Variants in PIEZO2 observed in about 807,000 individuals in gnomAD.
PIEZO2 encodes the protein piezo-type mechanosensitive ion channel component 2.
A neutral mutation model predicts 337.3 loss-of-function variants in PIEZO2; 172 were observed. The observed-to-expected ratio is 0.51, with a 90% CI of 0.45 to 0.58. The LOEUF is 0.58. Among genes scored for constraint, PIEZO2 ranks in the 20% least tolerant of loss-of-function variants. PIEZO2 has a pLI of 0.00. For missense variants in PIEZO2, 3,028 were observed against 3,391.3 expected (o/e 0.89, Z 2.66); for synonymous variants, 1,251 against 1,228.5 (o/e 1.02, Z -0.38).
chr18:11,096,344 G>T lies in PIEZO2; in HGVS notation c.65-30122C>A, dbSNP rs1445839532. On this transcript the variant is annotated intron_variant, in intron 1 of 55. Coordinates refer to ENST00000674853, the MANE Select transcript of PIEZO2 (RefSeq NM_001378183.1). This position sits in a 1 kb window ranked among gnomAD's most constrained non-coding sequence, Gnocchi z 4.6. Reference sequence around the variant, plus strand: ...CATTGGCTTCTGTGATAATTTGCTTGGCTTTGAATGCTGAATCTTGTCCAA... The same window carrying T: ...CATTGGCTTCTGTGATAATTTGCTTTGCTTTGAATGCTGAATCTTGTCCAA... Among the ~76,000 whole-genome samples, 4 of 152,210 alleles carry T rather than the reference G, an allele frequency of 2.6e-5. No individual in the cohort carries two copies. Among genetic ancestry groups the T allele is most frequent in the Non-Finnish European group, 4.4e-5 (3 of 68,042 alleles).
rs577065337 is a variant in PIEZO2 at position 10,704,429 on chromosome 18, G to A, written c.6223C>T (p.Arg2075Cys). ...ACGATGGCCATCATCCAGAACCGGC[G>A]GCTGGGCCTGGGGACGGACAACATG... ...WAMLSVPRPS[R>C]RFWMMAIVYT... is the part of the protein sequence containing the mutation. Residue 2075 changes from arginine to cysteine, a missense_variant, in exon 42 of 56, where the codon CGC becomes TGC. Arg to Cys is a radical substitution (Grantham distance 180, BLOSUM62 -3). Around this residue, in one of 5 missense-constraint regions of PIEZO2, gnomAD observed 1,925 missense variants for 2,051.9 expected, o/e 0.94. Transcript: ENST00000674853. The A allele has an allele frequency of 1.8e-4, 273 of 1,537,214 alleles. No homozygotes were observed. The African/African-American group carries it at 1.9e-3, about 11-fold the overall frequency.
intron 3 of PIEZO2, among the ~76,000 whole-genome samples, chr18:10,970,636 A>G (rs2034197651): frequency 6.6e-6 from 1 of 151,214 alleles, no homozygotes; most frequent in Non-Finnish European, 1.5e-5. Context: ...GATTTAGAGC[A>G]AAACTTAGAA....
rs34853451 is a variant in PIEZO2, at chr18:11,032,620, T to G, written c.160+33507A>C. Among the ~76,000 whole-genome samples, 27,409 of 152,220 alleles carry G rather than the reference T, an allele frequency of 0.18. 2,655 individuals carry two copies. Among genetic ancestry groups the G allele is most frequent in the East Asian group, 0.37 (1,920 of 5,172 alleles). On this transcript the variant is annotated intron_variant, in intron 2 of 55. Transcript: ENST00000674853. This position sits in a 1 kb window ranked among gnomAD's most constrained non-coding sequence, Gnocchi z 4.9. Reference sequence around the variant, plus strand: ...AAATACAAAGGATAGGTTTGTGCCTTTCAAAAAGGCAGTATGTTCTGAGCA... The same window carrying G: ...AAATACAAAGGATAGGTTTGTGCCTGTCAAAAAGGCAGTATGTTCTGAGCA...
chr18:11,039,868 T>G (rs146881021), intron 2 of PIEZO2, among the ~76,000 whole-genome samples: 35 of 152,238 alleles, frequency 2.3e-4, no homozygotes, highest in African/African-American at 8.2e-4. Flanking sequence ...TTCAAGGATT[T>G]AGCTTCCTGA....
rs932203120 is a variant in PIEZO2, at chr18:10,895,788, C to T, written c.329+15398G>A. On this transcript the variant is annotated intron_variant, in intron 4 of 55. Transcript: ENST00000674853. The surrounding 1 kb of genome is among the most constrained non-coding windows in gnomAD (Gnocchi z 4.8). ...TCTAAAACTCAGAGCCAGGCACGGGCAGGCTCACGCCTGTAATCCCAGCAC... is the reference window on the plus strand; with the variant it reads ...TCTAAAACTCAGAGCCAGGCACGGGTAGGCTCACGCCTGTAATCCCAGCAC... Among the ~76,000 whole-genome samples the T allele has an allele frequency of 1.3e-5, 2 of 152,000 alleles. No individual in the cohort carries two copies. The highest frequency in any genetic ancestry group is 2.4e-5 in the African/African-American group (1 of 41,402).
At chr18:10,816,319 T>A (rs1423641104) in intron 7 of PIEZO2, among the ~76,000 whole-genome samples, 1 of 152,186 alleles carries the variant, frequency 6.6e-6, no homozygotes, top group Non-Finnish European at 1.5e-5. Flanking sequence ...TTGAAATGGG[T>A]TGTAAACTCT....
intron 1 of PIEZO2, among the ~76,000 whole-genome samples, chr18:11,117,437 T>G (rs1467613898): frequency 6.6e-6 from 1 of 152,174 alleles, no homozygotes; most frequent in Non-Finnish European, 1.5e-5. Flanking sequence ...CCAAAAGCAC[T>G]TACCAACTAG....
At chr18:11,123,579 C>T (rs1470814274) in intron 1 of PIEZO2, among the ~76,000 whole-genome samples, 5 of 152,010 alleles carry the variant, frequency 3.3e-5, no homozygotes, top group East Asian at 1.9e-4. Context: ...GAGGCCGAGG[C>T]GGGCGGATCA....
At chr18:10,796,486 T>C (rs986378378) in intron 12 of PIEZO2, among the ~76,000 whole-genome samples, 1 of 152,208 alleles carries the variant, frequency 6.6e-6, no homozygotes, top group African/African-American at 2.4e-5. Flanking sequence ...TATGTTAACC[T>C]TGAAGACCTT....
At chr18:10,710,325 T>G (rs894362218) in intron 39 of PIEZO2, among the ~76,000 whole-genome samples, 2 of 152,022 alleles carry the variant, frequency 1.3e-5, no homozygotes, top group Admixed American at 1.3e-4. Flanking sequence ...AGGAAATGTA[T>G]AAAAATAGGC....
Position 10,724,721 on chromosome 18 carries a change from G to C in PIEZO2, c.5030-6462C>G. 1 of 1,440,358 alleles carries C rather than the reference G, an allele frequency of 6.9e-7. No homozygotes were observed. The highest frequency in any genetic ancestry group is 9.5e-7 in the Non-Finnish European group (1 of 1,056,294). 89.2% of individuals were successfully genotyped at this position (1,440,358 alleles called of 1,614,324 possible). A position where few individuals can be genotyped will look rare whatever the true frequency, so the allele number is the denominator to read the frequency against. ...AGGCTGAAGCACTCAGACCGAGATG[G>C]GCCACCACTGTACCCCTGGTCTCAG... On this transcript the variant is annotated intron_variant, in intron 36 of 55. Transcript: ENST00000674853. This position sits in a 1 kb window ranked among gnomAD's most constrained non-coding sequence, Gnocchi z 5.8.
chr18:10,829,394 A>G (rs1395576138), intron 7 of PIEZO2, among the ~76,000 whole-genome samples: 1 of 152,250 alleles, frequency 6.6e-6, no homozygotes, highest in Non-Finnish European at 1.5e-5. Context: ...ATCTGGAACA[A>G]GACAAGGATG....
chr18:11,090,869 G>C (rs1297095183), intron 1 of PIEZO2, among the ~76,000 whole-genome samples: 2 of 148,164 alleles, frequency 1.3e-5, no homozygotes, highest in Admixed American at 6.8e-5. Flanking sequence ...AGCCGAGATC[G>C]CGCCACTGCA....
At chr18:10,674,661 C>T (rs577819407) in intron 54 of PIEZO2, among the ~76,000 whole-genome samples, 5 of 152,310 alleles carry the variant, frequency 3.3e-5, no homozygotes, top group East Asian at 1.9e-4. Flanking sequence ...TGGTTTTCCG[C>T]GTTGTCCAGA....
At chr18:10,765,408 G>A (rs999022007) in intron 21 of PIEZO2, among the ~76,000 whole-genome samples, 2 of 152,268 alleles carry the variant, frequency 1.3e-5, no homozygotes, top group Middle Eastern at 3.4e-3. Context: ...GCTGGATCCC[G>A]GGGGTCTTAT....
At chr18:10,769,110 T>G (rs1346171313) in intron 21 of PIEZO2, among the ~76,000 whole-genome samples, 1 of 152,226 alleles carries the variant, frequency 6.6e-6, no homozygotes, top group Non-Finnish European at 1.5e-5. Flanking sequence ...TTTAATACCC[T>G]AACCCTGAAA....
intron 4 of PIEZO2, among the ~76,000 whole-genome samples, chr18:10,900,867 C>A (rs1468724203): frequency 6.6e-6 from 1 of 152,202 alleles, no homozygotes; most frequent in Non-Finnish European, 1.5e-5. Flanking sequence ...CCTTTCAATT[C>A]AGTGCCCCAG....
At chr18:10,914,564 T>G (rs2030776953) in intron 3 of PIEZO2, among the ~76,000 whole-genome samples, 1 of 152,232 alleles carries the variant, frequency 6.6e-6, no homozygotes, top group South Asian at 2.1e-4. Flanking sequence ...TACATTTGTA[T>G]TGTTTTTATT....
Position 10,762,768 on chromosome 18 carries a change from C to G in PIEZO2, c.3124-143G>C, listed in dbSNP as rs1179654729. ...TTTCAGGGGAGACCTCAGTATGAGA[C>G]GAGGCTTAACACAGGCCCAGAGCAC... On this transcript the variant is annotated intron_variant, in intron 22 of 55. Coordinates refer to ENST00000674853, the MANE Select transcript of PIEZO2 (RefSeq NM_001378183.1). 74 of 1,313,618 alleles carry G rather than the reference C, an allele frequency of 5.6e-5. 1 individual carries two copies. In the South Asian group the frequency reaches 1.1e-3, roughly 19 times the overall value. 81.4% of individuals were successfully genotyped at this position (1,313,618 alleles called of 1,614,324 possible).
Sources: allele counts gnomAD v4.1 joint callset (sites outside exome capture counted in the v4.1 genomes callset), GRCh38; gene constraint gnomAD v4.1.1; regional missense constraint gnomAD v4.1.1; non-coding constraint Gnocchi (gnomAD v3.1); transcripts MANE v1.5; gene names NCBI Gene and HGNC (gene_info 2026-07-23, HGNC 2026-07-21).